Variants in KCNMA1 observed in about 807,000 individuals in gnomAD.
The protein encoded by KCNMA1 is Calcium-activated potassium channel subunit alpha-1.
A neutral mutation model predicts 140.0 loss-of-function variants in KCNMA1; 29 were observed. That is an observed-to-expected ratio of 0.21 (90% CI 0.15 to 0.28). The LOEUF is 0.28. KCNMA1 is among the 10% of genes least tolerant of loss of function. KCNMA1 has a pLI of 1.00. For synonymous variants in KCNMA1, 612 were observed against 611.9 expected (o/e 1.00, Z 0.00); for missense variants, 880 against 1,602.2 (o/e 0.55, Z 7.70).
intron 1 of KCNMA1, among the ~76,000 whole-genome samples, chr10:77,426,910 C>A (rs529672066): frequency 6.6e-6 from 1 of 152,330 alleles, no homozygotes; most frequent in South Asian, 2.1e-4. Context: ...CATCGTGACC[C>A]ACACATACCT....
At chr10:77,150,435 T>C (rs1312021810) in intron 5 of KCNMA1, among the ~76,000 whole-genome samples, 1 of 152,216 alleles carries the variant, frequency 6.6e-6, no homozygotes, top group Non-Finnish European at 1.5e-5. Context: ...ATAAAATGAA[T>C]TAATCATCAA....
At chr10:77,377,188 G>C (rs555779687) in intron 2 of KCNMA1, among the ~76,000 whole-genome samples, 1 of 152,090 alleles carries the variant, frequency 6.6e-6, no homozygotes, top group Non-Finnish European at 1.5e-5. Flanking sequence ...GCTTCCTCCC[G>C]GGCTGCTTCT....
In KCNMA1 at chr10:77,544,158, G is replaced by GTA. The variant is rs769960814; in HGVS notation, c.378+93106_378+93107insTA. ...TCTACATATCTTTCCAGCTGTGTGT[G>GTA]TGTGTGTGTGTGTGTGTGTGTGTGT... On this transcript the variant is annotated intron_variant, in intron 1 of 27. Transcript: ENST00000286628. Among the ~76,000 whole-genome samples, 393 of 149,416 alleles carry GTA rather than the reference G, an allele frequency of 2.6e-3. 2 individuals are homozygous for GTA. The highest frequency in any genetic ancestry group is 0.01 in the Middle Eastern group (3 of 290).
intron 3 of KCNMA1, among the ~76,000 whole-genome samples, chr10:77,212,978 T>C (rs2046555561): frequency 1.3e-5 from 2 of 152,192 alleles, no homozygotes; most frequent in African/African-American, 4.8e-5. Context: ...TCTATTCTTA[T>C]TTTTGGGACA....
At chr10:77,067,559 C>T (rs1390438834) in intron 14 of KCNMA1, among the ~76,000 whole-genome samples, 1 of 152,210 alleles carries the variant, frequency 6.6e-6, no homozygotes, top group East Asian at 1.9e-4. Context: ...CCCTAATATA[C>T]TTACTTTGTC....
intron 3 of KCNMA1, among the ~76,000 whole-genome samples, chr10:77,246,863 C>T (rs922935730): frequency 1.3e-5 from 2 of 152,276 alleles, no homozygotes; most frequent in East Asian, 1.9e-4. Context: ...ATTTGTGCTG[C>T]CATTTCCTGC....
intron 1 of KCNMA1, among the ~76,000 whole-genome samples, chr10:77,457,074 T>C (rs754386034): frequency 2.0e-5 from 3 of 152,182 alleles, no homozygotes; most frequent in Non-Finnish European, 4.4e-5. Flanking sequence ...AGACAAAATA[T>C]GCCTGCACTT....
intron 17 of KCNMA1, among the ~76,000 whole-genome samples, chr10:77,012,710 C>T (rs1447761764): frequency 6.6e-6 from 1 of 152,140 alleles, no homozygotes; most frequent in Non-Finnish European, 1.5e-5. Context: ...GTTTTCTTCT[C>T]ACTATGGAGC....
chr10:77,417,878 G>A (rs1203331410), intron 1 of KCNMA1, among the ~76,000 whole-genome samples: 2 of 152,178 alleles, frequency 1.3e-5, no homozygotes, highest in Non-Finnish European at 2.9e-5. Flanking sequence ...TTGGGAGGCA[G>A]AAAGATGGCC....
intron 2 of KCNMA1, among the ~76,000 whole-genome samples, chr10:77,282,760 C>T (rs937265064): frequency 1.6e-5 from 2 of 125,928 alleles, no homozygotes; most frequent in Non-Finnish European, 3.7e-5. Flanking sequence ...GGGTGGTGTG[C>T]TCTGTAGTCC....
chr10:77,375,321 C>T (rs888562475), intron 2 of KCNMA1, among the ~76,000 whole-genome samples: 7 of 152,176 alleles, frequency 4.6e-5, no homozygotes, highest in Non-Finnish European at 8.8e-5. Context: ...CAGAGTCCGA[C>T]CTAAGTTTGA....
intron 3 of KCNMA1, among the ~76,000 whole-genome samples, chr10:77,190,288 T>C (rs1409533466): frequency 6.6e-6 from 1 of 152,196 alleles, no homozygotes; most frequent in Non-Finnish European, 1.5e-5. Flanking sequence ...TACCTGACAA[T>C]TGTATAAAAT....
intron 19 of KCNMA1, among the ~76,000 whole-genome samples, chr10:76,971,172 T>C (rs1294889860): frequency 6.6e-6 from 1 of 152,166 alleles, no homozygotes. Context: ...TATAGTTGAC[T>C]GCAACACAGA....
At chr10:77,299,621 G>A (rs2076085802) in intron 2 of KCNMA1, among the ~76,000 whole-genome samples, 1 of 152,174 alleles carries the variant, frequency 6.6e-6, no homozygotes, top group African/African-American at 2.4e-5. Flanking sequence ...GCAGCTCTAA[G>A]AGGTTCAGCT....
chr10:77,283,502 A>G (rs2069477368), intron 2 of KCNMA1, among the ~76,000 whole-genome samples: 1 of 152,188 alleles, frequency 6.6e-6, no homozygotes, highest in Admixed American at 6.5e-5. Context: ...CAGATTCTTG[A>G]TAAAGTACAG....
rs897503599 is a variant in KCNMA1 at position 77,573,841 on chromosome 10, T to C, written c.378+63424A>G. On this transcript the variant is annotated intron_variant, in intron 1 of 27. Transcript: ENST00000286628. ...TTTATATCCTTTATAATACTCTTTT[T>C]TTTTTTTTTTTTCTGAGACAGGGTC... Among the ~76,000 whole-genome samples the C allele has an allele frequency of 7.5e-5, 11 of 146,406 alleles. No individual in the cohort carries two copies. The East Asian group carries it at 7.7e-4, about 10-fold the overall frequency.
Position 76,977,643 on chromosome 10 carries a change from C to T in KCNMA1, c.2267-7576G>A, listed in dbSNP as rs1034261303. The T allele has an allele frequency of 1.0e-5, 7 of 702,768 alleles. No homozygotes were observed. In the African/African-American group the frequency reaches 1.0e-4, roughly 11 times the overall value. The allele number at this position is 702,768 out of a possible 1,614,324, so 43.5% of individuals were successfully genotyped here. On this transcript the variant is annotated intron_variant, in intron 19 of 27. Coordinates refer to ENST00000286628, the MANE Select transcript of KCNMA1 (RefSeq NM_001161352.2). The stretch of plus-strand genomic sequence containing the variant: ...AAGAACAATGTTCTTCCCAACCTGC[C>T]AAGACAGCCAAATAACAAAAGAAAT...
chr10:77,000,618 GT>G (rs144642848), intron 19 of KCNMA1, among the ~76,000 whole-genome samples: 1 of 152,086 alleles, frequency 6.6e-6, no homozygotes, highest in African/African-American at 2.4e-5. Flanking sequence ...TAAATTTTTT[GT>G]TGGCATTTGG....
chr10:77,479,012 A>G (rs953787331), intron 1 of KCNMA1, among the ~76,000 whole-genome samples: 3 of 152,184 alleles, frequency 2.0e-5, no homozygotes, highest in Non-Finnish European at 4.4e-5. Context: ...ACAGTAATAT[A>G]TTTGGGGGAA....
Sources: allele counts gnomAD v4.1 joint callset (sites outside exome capture counted in the v4.1 genomes callset), GRCh38; gene constraint gnomAD v4.1.1; transcripts MANE v1.5; gene names NCBI Gene and HGNC (gene_info 2026-07-23, HGNC 2026-07-21).